Variants in FGF12 observed in about 807,000 individuals in gnomAD.
FGF12 encodes fibroblast growth factor 12.
A neutral mutation model predicts 23.6 loss-of-function variants in FGF12; 14 were observed. That is an observed-to-expected ratio of 0.59 (90% CI 0.39 to 0.93). The LOEUF (loss-of-function observed/expected upper bound fraction) is 0.93, where lower values mean the gene tolerates loss of function less well. Ranked by LOEUF, FGF12 falls within the 40% of genes least tolerant of loss-of-function variation. FGF12 has a pLI of 0.00. For missense variants in FGF12, 175 were observed against 217.8 expected (o/e 0.80, Z 1.24); for synonymous variants, 62 against 77.3 (o/e 0.80, Z 1.04).
intron 2 of FGF12, among the ~76,000 whole-genome samples, chr3:192,714,503 TAAGGA>T (rs1718795991): frequency 6.7e-6 from 1 of 149,402 alleles, no homozygotes; most frequent in African/African-American, 2.5e-5. Context: ...TTATAGATCT[TAAGGA>T]AATAATTTTT....
At chr3:192,324,145 T>C (rs1716694846) in intron 4 of FGF12, among the ~76,000 whole-genome samples, 3 of 151,992 alleles carry the variant, frequency 2.0e-5, no homozygotes, top group South Asian at 4.1e-4. Flanking sequence ...CCCATAAATA[T>C]ATATGCCTAC....
intron 5 of FGF12, among the ~76,000 whole-genome samples, chr3:192,148,276 G>A (rs1713838684): frequency 6.6e-6 from 1 of 152,170 alleles, no homozygotes; most frequent in Non-Finnish European, 1.5e-5. Context: ...ATATTATTCA[G>A]CCTAAAAAAC....
At chr3:192,331,496 G>A (rs2108693287) in intron 4 of FGF12, among the ~76,000 whole-genome samples, 1 of 152,072 alleles carries the variant, frequency 6.6e-6, no homozygotes, top group Admixed American at 6.6e-5. Flanking sequence ...ACATACAATG[G>A]AATATTTTTA....
intron 4 of FGF12, among the ~76,000 whole-genome samples, chr3:192,282,482 T>G (rs1380145381): frequency 6.6e-6 from 1 of 152,132 alleles, no homozygotes; most frequent in Non-Finnish European, 1.5e-5. Context: ...ATGAGATGTT[T>G]GAAAATTTTC....
At chr3:192,322,832 T>A (rs1369475134) in intron 4 of FGF12, among the ~76,000 whole-genome samples, 2 of 152,174 alleles carry the variant, frequency 1.3e-5, no homozygotes, top group Admixed American at 6.5e-5. Flanking sequence ...TCTCTTGTCA[T>A]GGACAAAAAT....
chr3:192,573,077 T>C (rs1266670758), intron 2 of FGF12, among the ~76,000 whole-genome samples: 2 of 152,186 alleles, frequency 1.3e-5, no homozygotes, highest in African/African-American at 4.8e-5. Flanking sequence ...CAAAACTTTA[T>C]ACTAAAGAGT....
chr3:192,584,851 T>G (rs552296660), intron 2 of FGF12, among the ~76,000 whole-genome samples: 1 of 152,136 alleles, frequency 6.6e-6, no homozygotes, highest in African/African-American at 2.4e-5. Flanking sequence ...ATTGATGAAT[T>G]ACTGTAAAGC....
intron 2 of FGF12, among the ~76,000 whole-genome samples, chr3:192,447,094 C>T (rs1463093034): frequency 1.3e-5 from 2 of 152,252 alleles, no homozygotes; most frequent in South Asian, 2.1e-4. Flanking sequence ...TTAAGACAAT[C>T]GCTTATTTAT....
At chr3:192,147,638 G>A (rs1270166563) in intron 5 of FGF12, among the ~76,000 whole-genome samples, 1 of 151,954 alleles carries the variant, frequency 6.6e-6, no homozygotes, top group South Asian at 2.1e-4. Context: ...AATATAGTAG[G>A]TGAGAAATTA....
chr3:192,197,478 G>T (rs927835882), intron 4 of FGF12, among the ~76,000 whole-genome samples: 1 of 152,122 alleles, frequency 6.6e-6, no homozygotes, highest in Non-Finnish European at 1.5e-5. Context: ...TTTATAAAAT[G>T]ATCTAGATTA....
intron 3 of FGF12, among the ~76,000 whole-genome samples, chr3:192,359,896 A>T (rs1280541039): frequency 6.6e-6 from 1 of 150,794 alleles, no homozygotes; most frequent in African/African-American, 2.4e-5. Context: ...TATAATATTT[A>T]AATATATTTT....
At chr3:192,361,463 A>G (rs886981210) in intron 2 of FGF12, among the ~76,000 whole-genome samples, 1 of 152,176 alleles carries the variant, frequency 6.6e-6, no homozygotes, top group African/African-American at 2.4e-5. Flanking sequence ...TAAAATGAGG[A>G]GAAAAAGAAA....
At chr3:192,329,746 G>C (rs562864345) in intron 4 of FGF12, among the ~76,000 whole-genome samples, 1 of 152,208 alleles carries the variant, frequency 6.6e-6, no homozygotes, top group African/African-American at 2.4e-5. Context: ...AAACATTAAA[G>C]GATATTACAT....
chr3:192,316,892 T>C (rs1345831029), intron 4 of FGF12, among the ~76,000 whole-genome samples: 1 of 152,078 alleles, frequency 6.6e-6, no homozygotes, highest in East Asian at 1.9e-4. Flanking sequence ...TCCCTTACAA[T>C]TGGGATACCA....
chr3:192,645,802 C>G (rs1313837691), intron 2 of FGF12, among the ~76,000 whole-genome samples: 1 of 131,406 alleles, frequency 7.6e-6, no homozygotes, highest in African/African-American at 2.9e-5. Context: ...AAAAGTCTAG[C>G]TTTCTTGGAA....
intron 2 of FGF12, among the ~76,000 whole-genome samples, chr3:192,439,918 G>A (rs554066942): frequency 6.6e-6 from 1 of 151,536 alleles, no homozygotes; most frequent in East Asian, 1.9e-4. Flanking sequence ...AGAGGCTGCA[G>A]TGAGCTGAGA....
intron 2 of FGF12, among the ~76,000 whole-genome samples, chr3:192,381,033 T>C (rs944094025): frequency 1.3e-5 from 2 of 151,582 alleles, no homozygotes; most frequent in Non-Finnish European, 2.9e-5. Flanking sequence ...TGCAATATCA[T>C]ACATTCATTT....
chr3:192,383,647 A>C (rs181808463), intron 2 of FGF12, among the ~76,000 whole-genome samples: 1 of 152,286 alleles, frequency 6.6e-6, no homozygotes, highest in East Asian at 1.9e-4. Context: ...TCAAAGGCTA[A>C]ATTTGTGCAA....
intron 2 of FGF12, among the ~76,000 whole-genome samples, chr3:192,424,551 A>G (rs1432916900): frequency 1.3e-5 from 2 of 152,196 alleles, no homozygotes; most frequent in African/African-American, 4.8e-5. Context: ...TCTTGGCTTC[A>G]AGGATTCAAT....
Sources: gnomAD v4.1 joint callset for allele counts (sites outside exome capture counted in the v4.1 genomes callset) on GRCh38, gnomAD v4.1.1 for gene constraint, MANE v1.5 for transcripts, NCBI Gene and HGNC (gene_info 2026-07-23, HGNC 2026-07-21) for gene names.